Variants in PSMD12 observed in about 807,000 individuals in gnomAD.
PSMD12 encodes proteasome 26S subunit, non-ATPase 12.
A neutral mutation model predicts 62.9 loss-of-function variants in PSMD12; 8 were observed. The observed-to-expected ratio is 0.13, with a 90% CI of 0.07 to 0.23. The LOEUF (loss-of-function observed/expected upper bound fraction) is 0.23. PSMD12 is among the 10% of genes least tolerant of loss of function. The pLI is 1.00. For synonymous variants in PSMD12, 173 were observed against 187.4 expected (o/e 0.92, Z 0.63); for missense variants, 424 against 550.2 (o/e 0.77, Z 2.29).
chr17:67,362,083 G>A, intron 1 of PSMD12, among the ~76,000 whole-genome samples: 1 of 151,920 alleles, frequency 6.6e-6, no homozygotes, highest in Non-Finnish European at 1.5e-5. Context: ...CAGCACAAAT[G>A]GGTTAAGAGG....
At position 67,344,648 on chromosome 17, in the gene PSMD12, A is replaced by T. The variant is rs893135051; in HGVS notation, c.1041T>A (p.Gly347=). The T allele has an allele frequency of 1.2e-6, 2 of 1,612,126 alleles. No homozygotes were observed. The highest frequency in any genetic ancestry group is 1.7e-6 in the Non-Finnish European group (2 of 1,178,908). Residue 347 remains glycine, a synonymous_variant, in exon 9 of 11, where the codon GGT becomes GGA. Coordinates refer to ENST00000356126, the MANE Select transcript of PSMD12 (RefSeq NM_002816.5). ...ATDVFGSTEE[G]EKRWKDLKNR... ...TCTTCAAGTCTTTCCACCTTTTTTC[A>T]CCTTCCTCTGTAGAACCAAAAACAT...
In PSMD12 at chr17:67,353,317, T is replaced by C. The variant is rs1382106561; in HGVS notation, c.298-2981A>G. On this transcript the variant is annotated intron_variant, in intron 3 of 10. Coordinates refer to ENST00000356126, the MANE Select transcript of PSMD12 (RefSeq NM_002816.5). The stretch of plus-strand genomic sequence containing the variant: ...TCCTTCCCTTCCTCCTTCCCCCCGC[T>C]CCCTCTCTCTTTCTTTTGAGACAGT... Among the ~76,000 whole-genome samples the C allele has an allele frequency of 1.3e-3, 189 of 148,240 alleles. 1 individual carries two copies. The highest frequency in any genetic ancestry group is 3.5e-3 in the Middle Eastern group (1 of 288).
intron 10 of PSMD12, 104 bp downstream of exon 10, chr17:67,342,082 C>G: frequency 1.1e-6 from 1 of 907,418 alleles, no homozygotes; most frequent in Non-Finnish European, 1.7e-6. Flanking sequence ...ACTCTATTAC[C>G]TAAACATAAA....
At chr17:67,357,938 T>C (rs2042091359) in intron 1 of PSMD12, among the ~76,000 whole-genome samples, 1 of 152,042 alleles carries the variant, frequency 6.6e-6, no homozygotes, top group Non-Finnish European at 1.5e-5. Context: ...CTTTTTTTTT[T>C]TGAGACAGAG....
In PSMD12 at chr17:67,366,548, C is replaced by G; in HGVS notation, c.-29G>C. On this transcript the variant is annotated 5_prime_UTR_variant, in exon 1 of 11. Coordinates refer to ENST00000356126, the MANE Select transcript of PSMD12 (RefSeq NM_002816.5). The stretch of plus-strand genomic sequence containing the variant: ...CCCCGCCTGAGCGTCCCTTGCTGTC[C>G]CCCTGCTTCGGCCACCACTCGTCAC... 1.9e-6 allele frequency: 3 copies of G among 1,574,522 alleles called. No homozygotes were observed. In the South Asian group the frequency reaches 3.4e-5, roughly 18 times the overall value.
At chr17:67,361,976 C>G (rs1438890943) in intron 1 of PSMD12, among the ~76,000 whole-genome samples, 1 of 121,490 alleles carries the variant, frequency 8.2e-6, no homozygotes, top group Non-Finnish European at 1.8e-5. Flanking sequence ...CCTAGTGTTC[C>G]ATTACTGGAA....
chr17:67,348,524 A>G, intron 5 of PSMD12, 26 bp downstream of exon 5: 1 of 1,574,048 alleles, frequency 6.4e-7, no homozygotes, highest in Non-Finnish European at 8.7e-7. Flanking sequence ...ACAAAGTTTT[A>G]CCAACTCTAA....
In PSMD12 at chr17:67,340,256, A is replaced by G. The variant is rs2041900303; in HGVS notation, c.*587T>C. On this transcript the variant is annotated 3_prime_UTR_variant, in exon 11 of 11. Transcript: ENST00000356126. ...GTGATTGGAACCAGCCGGACTCAAA[A>G]AAAAAAAAAAAAAAGTCTACAGTTT... The G allele has an allele frequency of 6.7e-6, 1 of 149,804 alleles. No homozygotes were observed. Among genetic ancestry groups the G allele is most frequent in the Admixed American group, 6.7e-5 (1 of 15,026 alleles). 9.3% of individuals were successfully genotyped at this position (149,804 alleles called of 1,614,324 possible).
intron 1 of PSMD12, among the ~76,000 whole-genome samples, chr17:67,362,606 G>T (rs2042142246): frequency 6.7e-6 from 1 of 148,450 alleles, no homozygotes; most frequent in South Asian, 2.1e-4. Flanking sequence ...AGGTTGCAGT[G>T]AGCCGAGATC....
At chr17:67,360,461 T>C (rs2042119039) in intron 1 of PSMD12, among the ~76,000 whole-genome samples, 1 of 152,238 alleles carries the variant, frequency 6.6e-6, no homozygotes, top group South Asian at 2.1e-4. Context: ...TCAACCATAC[T>C]GACTCTACTC....
chr17:67,362,144 T>C (rs980929038), intron 1 of PSMD12, among the ~76,000 whole-genome samples: 1 of 152,098 alleles, frequency 6.6e-6, no homozygotes. Context: ...AGTCCCCAAA[T>C]AACCATGTGC....
chr17:67,351,067 G>T (rs114492493), intron 3 of PSMD12, among the ~76,000 whole-genome samples: 1 of 152,080 alleles, frequency 6.6e-6, no homozygotes, highest in Non-Finnish European at 1.5e-5. Flanking sequence ...GTTTGATCTA[G>T]ATTTTAAGCA....
chr17:67,351,117 C>A (rs191814065), intron 3 of PSMD12, among the ~76,000 whole-genome samples: 1 of 152,154 alleles, frequency 6.6e-6, no homozygotes, highest in Admixed American at 6.5e-5. Flanking sequence ...ATGGGTCAGG[C>A]GTGGTGGCTC....
rs187440912 is a variant in PSMD12, at chr17:67,362,459, C to T, written c.108+3953G>A. Among the ~76,000 whole-genome samples the T allele has an allele frequency of 2.8e-3, 422 of 152,100 alleles. 6 individuals are homozygous for T. The highest frequency in any genetic ancestry group is 9.5e-3 in the African/African-American group (395 of 41,526). On this transcript the variant is annotated intron_variant, in intron 1 of 10. Coordinates refer to ENST00000356126, the MANE Select transcript of PSMD12 (RefSeq NM_002816.5). Reference sequence around the variant, plus strand: ...GGAGGCTGAGGCGGGTGGATCACAACATCAAGAGTTTGAGACCAGCCTAGC... The same window carrying T: ...GGAGGCTGAGGCGGGTGGATCACAATATCAAGAGTTTGAGACCAGCCTAGC...
chr17:67,355,103 T>C (rs1435917601), intron 3 of PSMD12, among the ~76,000 whole-genome samples: 1 of 150,248 alleles, frequency 6.7e-6, no homozygotes, highest in Non-Finnish European at 1.5e-5. Context: ...TTTTTTTTTT[T>C]TTTTTGGAGA....
intron 4 of PSMD12, among the ~76,000 whole-genome samples, chr17:67,349,355 T>C (rs972928155): frequency 6.6e-6 from 1 of 152,214 alleles, no homozygotes; most frequent in African/African-American, 2.4e-5. Context: ...TATAAGAATA[T>C]TTTACAGCTC....
At chr17:67,348,679 CA>C in intron 4 of PSMD12, 25 bp from the exon 5 acceptor site, 4 of 1,587,044 alleles carry the variant, frequency 2.5e-6, no homozygotes, top group Non-Finnish European at 3.4e-6. Flanking sequence ...TTTACACAAT[CA>C]AAATTCCATG....
intron 1 of PSMD12, among the ~76,000 whole-genome samples, chr17:67,358,384 A>G (rs545227919): frequency 6.6e-6 from 1 of 152,152 alleles, no homozygotes; most frequent in Non-Finnish European, 1.5e-5. Context: ...GCTGGGCTAC[A>G]TGGCGAAACC....
In PSMD12 at chr17:67,354,239, C is replaced by T. The variant is rs1056359781; in HGVS notation, c.297+3064G>A. Among the ~76,000 whole-genome samples the T allele has an allele frequency of 2.0e-5, 3 of 152,192 alleles. No homozygotes were observed. In the East Asian group the frequency reaches 5.8e-4, roughly 29 times the overall value. On this transcript the variant is annotated intron_variant, in intron 3 of 10. Transcript: ENST00000356126. ...AGGCCTGGTCAACATAGCAGGACTC[C>T]GTCTCTACAAAAAGTACAAAAATTA...
Sources: gnomAD v4.1 joint callset for allele counts (sites outside exome capture counted in the v4.1 genomes callset) on GRCh38, gnomAD v4.1.1 for gene constraint, MANE v1.5 for transcripts, NCBI Gene and HGNC (gene_info 2026-07-23, HGNC 2026-07-21) for gene names.